LGALS8: variants seen among roughly 807,000 people sequenced by gnomAD.
LGALS8 encodes galectin-8.
A neutral mutation model predicts 35.9 loss-of-function variants in LGALS8; 30 were observed. The observed-to-expected ratio is 0.83, with a 90% CI of 0.62 to 1.13. The LOEUF is 1.13. Among genes scored for constraint, LGALS8 ranks in the 50% most tolerant of loss-of-function variants. The pLI is 0.00. For synonymous variants in LGALS8, 138 were observed against 136.1 expected (o/e 1.01, Z -0.10); for missense variants, 366 against 388.7 (o/e 0.94, Z 0.49).
chr1:236,550,029 A>C lies in LGALS8; in HGVS notation c.*1868A>C, dbSNP rs1027523967. On this transcript the variant is annotated 3_prime_UTR_variant, in exon 10 of 10. Transcript: ENST00000366584. The stretch of plus-strand genomic sequence containing the variant: ...TACGGGATGTTCTTAGATGCCTTTA[A>C]AAAGGGGGCAGATCTAATTTTATTT... 5 of 152,232 alleles carry C rather than the reference A, an allele frequency of 3.3e-5. No individual in the cohort carries two copies. The highest frequency in any genetic ancestry group is 1.2e-4 in the African/African-American group (5 of 41,464). 9.4% of individuals were successfully genotyped at this position (152,232 alleles called of 1,614,324 possible). A position where few individuals can be genotyped will look rare whatever the true frequency, so the allele number is the denominator to read the frequency against.
At position 236,526,321 on chromosome 1, in the gene LGALS8, G is replaced by A; in HGVS notation, c.45+206G>A. 2.3e-6 allele frequency: 1 copy of A among 430,986 alleles called. No homozygotes were observed. Among genetic ancestry groups the A allele is most frequent in the South Asian group, 5.6e-5 (1 of 17,810 alleles). The allele number at this position is 430,986 out of a possible 1,614,324, so 26.7% of individuals were successfully genotyped here. A position where few individuals can be genotyped will look rare whatever the true frequency, so the allele number is the denominator to read the frequency against. ...AGAAGTCACAATGATAATATGACGT[G>A]ATGAAACAGTGTTATGAACAGGGAA... On this transcript the variant is annotated intron_variant, in intron 2 of 9. Coordinates refer to ENST00000366584, the MANE Select transcript of LGALS8 (RefSeq NM_201544.4). The surrounding 1 kb of genome is among the most constrained non-coding windows in gnomAD (Gnocchi z 4.6).
intron 5 of LGALS8, chr1:236,541,403 A>ACAAGGG (rs1661981823): frequency 2.8e-6 from 1 of 354,670 alleles, no homozygotes; most frequent in East Asian, 5.3e-5. Flanking sequence ...CTCGCCCTTC[A>ACAAGGG]CAAGGGTAAA....
At chr1:236,540,170 AGGGACAGTGT>A (rs887400168) in intron 4 of LGALS8, 3 of 179,454 alleles carry the variant, frequency 1.7e-5, no homozygotes, top group African/African-American at 7.0e-5. Flanking sequence ...GGTGGTCTCC[AGGGACAGTGT>A]TGTGGGGAGC....
chr1:236,540,817 A>C, intron 5 of LGALS8, 134 bp downstream of exon 5: 1 of 932,500 alleles, frequency 1.1e-6, no homozygotes, highest in South Asian at 1.9e-5. Context: ...ATTTTTTGGA[A>C]GTGAACTGTT....
chr1:236,545,141 C>A, intron 9 of LGALS8: 1 of 357,170 alleles, frequency 2.8e-6, no homozygotes, highest in Non-Finnish European at 5.1e-6. Context: ...CATTTGTCAT[C>A]ATATTAAAAT....
intron 9 of LGALS8, among the ~76,000 whole-genome samples, chr1:236,546,585 C>A (rs1662377791): frequency 6.6e-6 from 1 of 152,196 alleles, no homozygotes; most frequent in Admixed American, 6.5e-5. Flanking sequence ...GTGAGGGATT[C>A]TGTTGTTCTG....
chr1:236,529,807 C>A (rs909330857), intron 2 of LGALS8, among the ~76,000 whole-genome samples: 3 of 151,916 alleles, frequency 2.0e-5, no homozygotes, highest in Admixed American at 2.0e-4. Flanking sequence ...CACCGCCACG[C>A]CCCGCTAATT....
At chr1:236,545,924 G>A (rs1174335761) in intron 9 of LGALS8, among the ~76,000 whole-genome samples, 2 of 152,180 alleles carry the variant, frequency 1.3e-5, no homozygotes, top group Non-Finnish European at 2.9e-5. Context: ...GAGTCAAGGC[G>A]CAAAGGGTGA....
In LGALS8 at chr1:236,551,843, C is replaced by T. The variant is rs1049001496; in HGVS notation, c.*3682C>T. On this transcript the variant is annotated 3_prime_UTR_variant, in exon 10 of 10. Transcript: ENST00000366584. The stretch of plus-strand genomic sequence containing the variant: ...ACCCAACTCAAAACAGGAGCTCGAG[C>T]CTGCCTGTATTTGAGACTGGAGCTG... 8.6e-6 allele frequency: 5 copies of T among 584,078 alleles called. No individual in the cohort carries two copies. The highest frequency in any genetic ancestry group is 1.9e-5 in the African/African-American group (1 of 53,124). The allele number at this position is 584,078 out of a possible 1,614,324, so 36.2% of individuals were successfully genotyped here. A position where few individuals can be genotyped will look rare whatever the true frequency, so the allele number is the denominator to read the frequency against.
intron 4 of LGALS8, among the ~76,000 whole-genome samples, chr1:236,539,696 C>A (rs1276773542): frequency 6.6e-6 from 1 of 152,230 alleles, no homozygotes. Flanking sequence ...AGAGAAGACT[C>A]GAATGCCTCT....
At position 236,550,852 on chromosome 1, in the gene LGALS8, T is replaced by C. The variant is rs370571720; in HGVS notation, c.*2691T>C. ...CACCCAACACCCAAAAATAAAAATA[T>C]GAAATATGAGTGTGAACTCTGAGTA... On this transcript the variant is annotated 3_prime_UTR_variant, in exon 10 of 10. Transcript: ENST00000366584. 6.8e-5 allele frequency: 96 copies of C among 1,403,884 alleles called. No homozygotes were observed. Among genetic ancestry groups the C allele is most frequent in the Non-Finnish European group, 8.8e-5 (90 of 1,022,710 alleles). 87.0% of individuals were successfully genotyped at this position (1,403,884 alleles called of 1,614,324 possible). A position where few individuals can be genotyped will look rare whatever the true frequency, so the allele number is the denominator to read the frequency against.
chr1:236,539,498 C>G (rs993093930), intron 4 of LGALS8, among the ~76,000 whole-genome samples: 1 of 117,702 alleles, frequency 8.5e-6, no homozygotes, highest in African/African-American at 2.9e-5. Flanking sequence ...CAAGACAGTT[C>G]CGTAGGATCA....
chr1:236,528,279 G>A (rs145755502), intron 2 of LGALS8, among the ~76,000 whole-genome samples: 4,430 of 151,534 alleles, frequency 0.029, 74 homozygotes, highest in Middle Eastern at 0.044. Flanking sequence ...CTACTCGGGA[G>A]GCTGAGGCAA....
chr1:236,524,545 A>C, intron 1 of LGALS8: 1 of 413,702 alleles, frequency 2.4e-6, no homozygotes, highest in Non-Finnish European at 5.0e-6. Flanking sequence ...GAGTCATTTG[A>C]CTGCAGTGTT....
rs1453726827 is a variant in LGALS8 at position 236,548,174 on chromosome 1, G to A, written c.*13G>A. ...AAGGAGCTGGTAGCCTACCTACACA[G>A]CTGCTACAAAAACCAAAATACAGAA... is the stretch of plus-strand genomic sequence containing the variant. On this transcript the variant is annotated 3_prime_UTR_variant, in exon 10 of 10. Transcript: ENST00000366584. The A allele has an allele frequency of 1.2e-6, 2 of 1,608,024 alleles. No individual in the cohort carries two copies. The highest frequency in any genetic ancestry group is 1.7e-5 in the Admixed American group (1 of 59,116).
In LGALS8 at chr1:236,540,686, G is replaced by A; in HGVS notation, c.465+3G>A. The A allele has an allele frequency of 6.2e-7, 1 of 1,603,070 alleles. No homozygotes were observed. The stretch of plus-strand genomic sequence containing the variant: ...CAATTGGTTTTAGCTTCAGCTCGGT[G>A]AGTGACCTTCCACAGCTTGGGGTCT... On this transcript the variant is annotated splice_donor_region_variant and intron_variant, in intron 5 of 9. Coordinates refer to ENST00000366584, the MANE Select transcript of LGALS8 (RefSeq NM_201544.4).
intron 1 of LGALS8, 98 bp from the exon 2 acceptor site, chr1:236,525,870 A>C: frequency 2.3e-6 from 1 of 430,266 alleles, no homozygotes. Flanking sequence ...TATTTGGTAA[A>C]TATCAGTAAC....
intron 9 of LGALS8, among the ~76,000 whole-genome samples, chr1:236,546,867 G>C (rs951329960): frequency 2.0e-5 from 3 of 152,174 alleles, no homozygotes; most frequent in African/African-American, 7.2e-5. Flanking sequence ...CCATTCTTGT[G>C]GGGATAGAAT....
At chr1:236,539,426 GAGCT>G (rs1313071814) in intron 4 of LGALS8, among the ~76,000 whole-genome samples, 2 of 152,180 alleles carry the variant, frequency 1.3e-5, no homozygotes, top group Admixed American at 6.5e-5. Flanking sequence ...ACCACCCGAA[GAGCT>G]AACAAGGGCA....
Sources: allele counts gnomAD v4.1 joint callset (sites outside exome capture counted in the v4.1 genomes callset), GRCh38; gene constraint gnomAD v4.1.1; non-coding constraint Gnocchi (gnomAD v3.1); transcripts MANE v1.5; gene names NCBI Gene and HGNC (gene_info 2026-07-23, HGNC 2026-07-21).